The following CAPN5 variants were observed in gnomAD, a reference collection of about 807,000 sequenced individuals.
The protein encoded by CAPN5 is calpain 5.
CAPN5 carries 54 observed loss-of-function variants against 73.0 expected under a neutral mutation model. The observed-to-expected ratio is 0.74, with a 90% CI of 0.59 to 0.93. The LOEUF (loss-of-function observed/expected upper bound fraction) is 0.93. Among genes scored for constraint, CAPN5 ranks in the 40% least tolerant of loss-of-function variants. The pLI, the probability that CAPN5 is intolerant of heterozygous loss-of-function variation, is 0.00. For missense variants in CAPN5, 785 were observed against 882.9 expected, an observed-to-expected ratio of 0.89 and a Z score of 1.41; for synonymous variants, 335 against 356.9, an observed-to-expected ratio of 0.94 and a Z score of 0.69.
intron 3 of CAPN5, among the ~76,000 whole-genome samples, chr11:77,108,506 G>A (rs1002063267): frequency 2.6e-5 from 4 of 152,142 alleles, no homozygotes; most frequent in Non-Finnish European, 4.4e-5. Context: ...GGCTGAGAGC[G>A]TGGACTGCCG....
chr11:77,119,308 C>A, intron 9 of CAPN5, 156 bp downstream of exon 9: 1 of 810,486 alleles, frequency 1.2e-6, no homozygotes, highest in Non-Finnish European at 1.9e-6. Flanking sequence ...GGCATGGGCC[C>A]CACTTGAATA....
At chr11:77,095,819 T>A (rs1811713454) in intron 3 of CAPN5, among the ~76,000 whole-genome samples, 1 of 152,218 alleles carries the variant, frequency 6.6e-6, no homozygotes. Context: ...CCTGTGTTTA[T>A]CTGTGGGCCA....
Position 77,115,537 on chromosome 11 carries a change from G to T in CAPN5, c.842G>T (p.Arg281Leu), listed in dbSNP as rs369224922. 2 of 1,612,946 alleles carry T rather than the reference G, an allele frequency of 1.2e-6. No individual in the cohort carries two copies. The highest frequency in any genetic ancestry group is 1.7e-6 in the Non-Finnish European group (2 of 1,179,968). The change falls in exon 6 of 13, where the codon CGC (arginine) becomes CTC (leucine). Residue 281 changes from arginine (R) to leucine (L), a missense_variant. Coordinates refer to ENST00000648180, the MANE Select transcript of CAPN5 (RefSeq NM_004055.5). ...FFKSEKLDMI[R>L]LRNPWGEREW... ...AAGTCAGAGAAGTTGGACATGATCC[G>T]CCTGCGCAACCCCTGGGGCGAGCGG...
chr11:77,103,067 C>T (rs1288342563), intron 3 of CAPN5: 4 of 1,613,808 alleles, frequency 2.5e-6, no homozygotes, highest in East Asian at 4.5e-5. Flanking sequence ...ACAAGCCGGG[C>T]AAGGTCACCA....
intron 2 of CAPN5, among the ~76,000 whole-genome samples, chr11:77,087,269 A>G (rs564444018): frequency 6.6e-6 from 1 of 152,374 alleles, no homozygotes; most frequent in South Asian, 2.1e-4. Flanking sequence ...CAGGAAGTCA[A>G]GCAGGCTTGG....
chr11:77,096,600 CA>C (rs1950210927), intron 3 of CAPN5, among the ~76,000 whole-genome samples: 1 of 152,256 alleles, frequency 6.6e-6, no homozygotes, highest in African/African-American at 2.4e-5. Context: ...GAGGGCAGGG[CA>C]GTGGACTTCA....
chr11:77,105,280 C>A (rs1050699180), intron 3 of CAPN5, among the ~76,000 whole-genome samples: 1 of 151,984 alleles, frequency 6.6e-6, no homozygotes, highest in Non-Finnish European at 1.5e-5. Flanking sequence ...GCACTTGCTC[C>A]CTGGCCACTT....
intron 2 of CAPN5, among the ~76,000 whole-genome samples, chr11:77,093,448 C>T (rs1218380375): frequency 6.6e-6 from 1 of 152,160 alleles, no homozygotes; most frequent in Non-Finnish European, 1.5e-5. Context: ...GAAGAGCACT[C>T]TCTGGCCAGG....
intron 2 of CAPN5, among the ~76,000 whole-genome samples, chr11:77,092,822 C>T (rs1950162456): frequency 6.6e-6 from 1 of 152,116 alleles, no homozygotes; most frequent in Non-Finnish European, 1.5e-5. Flanking sequence ...TAAAAATTAG[C>T]TGGGCGTGGT....
intron 6 of CAPN5, 92 bp from the exon 7 acceptor site, chr11:77,116,134 G>GC: frequency 8.6e-7 from 1 of 1,166,586 alleles, no homozygotes; most frequent in South Asian, 1.4e-5. Context: ...GTGCAAGACT[G>GC]CCCCTCGTGC....
intron 2 of CAPN5, 69 bp from the exon 3 acceptor site, chr11:77,093,613 T>TCTC: frequency 6.9e-7 from 1 of 1,450,740 alleles, no homozygotes; most frequent in East Asian, 2.5e-5. Flanking sequence ...GTGTCTGTCA[T>TCTC]GTCTCCTGCC....
At chr11:77,092,835 TG>T (rs1214125711) in intron 2 of CAPN5, among the ~76,000 whole-genome samples, 1 of 152,058 alleles carries the variant, frequency 6.6e-6, no homozygotes, top group Non-Finnish European at 1.5e-5. Flanking sequence ...GGCGTGGTGG[TG>T]GGTGCCTGTA....
chr11:77,091,341 C>G (rs1007786235), intron 2 of CAPN5, among the ~76,000 whole-genome samples: 1 of 152,202 alleles, frequency 6.6e-6, no homozygotes, highest in Non-Finnish European at 1.5e-5. Context: ...CTCTGCTGGC[C>G]GCCTGTGGTA....
At chr11:77,089,814 C>T (rs1302326818) in intron 2 of CAPN5, among the ~76,000 whole-genome samples, 1 of 152,198 alleles carries the variant, frequency 6.6e-6, no homozygotes, top group Non-Finnish European at 1.5e-5. Flanking sequence ...GCGAAGGTTG[C>T]AGTGAGCCAA....
At chr11:77,094,298 T>C (rs1295774940) in intron 3 of CAPN5, among the ~76,000 whole-genome samples, 1 of 152,176 alleles carries the variant, frequency 6.6e-6, no homozygotes, top group Non-Finnish European at 1.5e-5. Context: ...GCTGCTGGTG[T>C]TCTGGACCAG....
intron 2 of CAPN5, among the ~76,000 whole-genome samples, chr11:77,085,706 C>A (rs1371095137): frequency 6.6e-6 from 1 of 152,110 alleles, no homozygotes; most frequent in Non-Finnish European, 1.5e-5. Context: ...AAATGTTTGG[C>A]CTCCTGGTGT....
At chr11:77,100,268 C>T (rs923303232) in intron 3 of CAPN5, among the ~76,000 whole-genome samples, 8 of 152,304 alleles carry the variant, frequency 5.3e-5, no homozygotes, top group Admixed American at 5.2e-4. Flanking sequence ...GAGCAGAGGT[C>T]TGTGGACATC....
chr11:77,112,580 C>G lies in CAPN5; in HGVS notation c.298-9C>G, dbSNP rs190963896. 1.0e-4 allele frequency: 169 copies of G among 1,612,804 alleles called. No individual in the cohort carries two copies. The East Asian group carries it at 2.2e-3, about 21-fold the overall frequency. The stretch of plus-strand genomic sequence containing the variant: ...GTTCCCCCATCCTATCCCCCCTCCC[C>G]CTACCCAGGTCATCCCAGACTGGAA... On this transcript the variant is annotated splice_polypyrimidine_tract_variant and intron_variant, in intron 3 of 12. Transcript: ENST00000648180.
In CAPN5 at chr11:77,118,294, G is replaced by T. The variant is rs372861545; in HGVS notation, c.1109G>T (p.Arg370Leu). The part of the protein sequence containing the change: ...HGAWTLHEDP[R>L]QNRGGGCINH... ...GCCTGGACGCTGCATGAGGACCCGC[G>T]ACAGAACCGCGGTGGCGGCTGCATC... Residue 370 changes from arginine (R) to leucine (L), a missense_variant, in exon 8 of 13, where the codon CGA becomes CTA. Coordinates refer to ENST00000648180, the MANE Select transcript of CAPN5 (RefSeq NM_004055.5). 3.7e-6 allele frequency: 6 copies of T among 1,613,266 alleles called. No homozygotes were observed. The highest frequency in any genetic ancestry group is 5.1e-6 in the Non-Finnish European group (6 of 1,179,702).
Sources: allele counts gnomAD v4.1 joint callset (sites outside exome capture counted in the v4.1 genomes callset), GRCh38; gene constraint gnomAD v4.1.1; transcripts MANE v1.5; gene names NCBI Gene and HGNC (gene_info 2026-07-23, HGNC 2026-07-21).